KLHL29: variants seen among roughly 807,000 people sequenced by gnomAD.
KLHL29 encodes the protein kelch-like protein 29.
Under a neutral mutation model 80.4 loss-of-function variants are expected in KLHL29, and 21 were observed. The ratio of observed to expected loss-of-function variants is 0.26; its 90% CI spans 0.19 to 0.38. The LOEUF is 0.38. Among genes scored for constraint, KLHL29 ranks in the 10% least tolerant of loss-of-function variants. KLHL29 has a pLI of 1.00. For synonymous variants in KLHL29, 511 were observed against 526.8 expected (o/e 0.97, Z 0.41); for missense variants, 867 against 1,223.9 (o/e 0.71, Z 4.35).
intron 2 of KLHL29, among the ~76,000 whole-genome samples, chr2:23,558,060 G>A (rs895927458): frequency 4.6e-5 from 7 of 152,158 alleles, no homozygotes; most frequent in Non-Finnish European, 8.8e-5. Context: ...TTTGCAAAGG[G>A]CCAGGTCTGG....
chr2:23,701,860 G>A (rs1672405026), intron 11 of KLHL29, among the ~76,000 whole-genome samples: 1 of 139,764 alleles, frequency 7.2e-6, no homozygotes, highest in Non-Finnish European at 1.5e-5. Flanking sequence ...GAGTGCAATG[G>A]CGCGATCTTG....
intron 2 of KLHL29, among the ~76,000 whole-genome samples, chr2:23,533,432 A>C (rs1203884667): frequency 6.6e-6 from 1 of 152,178 alleles, no homozygotes; most frequent in Non-Finnish European, 1.5e-5. Flanking sequence ...CTCCTGGCCC[A>C]GCAGGATTCA....
chr2:23,485,650 T>TCAA lies in KLHL29; in HGVS notation c.-46+9985_-46+9986insACA, dbSNP rs541787171. Among the ~76,000 whole-genome samples, 460 of 152,288 alleles carry TCAA rather than the reference T, an allele frequency of 3.0e-3. 1 individual carries two copies. Among genetic ancestry groups the TCAA allele is most frequent in the Non-Finnish European group, 4.4e-3 (300 of 68,032 alleles). On this transcript the variant is annotated intron_variant, in intron 2 of 13. Transcript: ENST00000486442. ...GGTATGTTCCATATTCAGAGGGTCC[T>TCAA]CACGGCCTTTGTTCATTCATTCAGG...
At chr2:23,419,993 G>A (rs1321259594) in intron 1 of KLHL29, among the ~76,000 whole-genome samples, 1 of 152,170 alleles carries the variant, frequency 6.6e-6, no homozygotes, top group Non-Finnish European at 1.5e-5. Context: ...TTAGATAAGG[G>A]CGTCCAGTGC....
At chr2:23,549,962 G>T (rs1425641038) in intron 2 of KLHL29, among the ~76,000 whole-genome samples, 1 of 152,168 alleles carries the variant, frequency 6.6e-6, no homozygotes, top group Admixed American at 6.5e-5. Flanking sequence ...AATGGGAAAT[G>T]AATGGAACCC....
chr2:23,687,470 G>A (rs1671317502), intron 6 of KLHL29, among the ~76,000 whole-genome samples: 1 of 152,232 alleles, frequency 6.6e-6, no homozygotes, highest in Admixed American at 6.5e-5. Flanking sequence ...AGGACAGAAT[G>A]GGAATTCAAG....
intron 1 of KLHL29, among the ~76,000 whole-genome samples, chr2:23,472,702 G>A (rs1183234297): frequency 6.6e-6 from 1 of 152,130 alleles, no homozygotes; most frequent in Non-Finnish European, 1.5e-5. Flanking sequence ...TACTCTTCTC[G>A]AGTAGTATCT....
chr2:23,601,191 G>T (rs943631074), intron 3 of KLHL29, among the ~76,000 whole-genome samples: 1 of 152,160 alleles, frequency 6.6e-6, no homozygotes, highest in Non-Finnish European at 1.5e-5. Flanking sequence ...GCACAAAAAG[G>T]CGTCGTCAAA....
At chr2:23,489,987 C>G (rs1351203898) in intron 2 of KLHL29, among the ~76,000 whole-genome samples, 1 of 152,254 alleles carries the variant, frequency 6.6e-6, no homozygotes, top group African/African-American at 2.4e-5. Flanking sequence ...TCCCCTTGCT[C>G]TAGTGTTGGC....
intron 3 of KLHL29, among the ~76,000 whole-genome samples, chr2:23,624,868 G>T (rs964567030): frequency 6.6e-6 from 1 of 152,222 alleles, no homozygotes; most frequent in Non-Finnish European, 1.5e-5. Context: ...GGAAGTAGAA[G>T]ATTCCCACTG....
In KLHL29 at chr2:23,700,320, T is replaced by C. The variant is rs1392415736; in HGVS notation, c.2106-2866T>C. Among the ~76,000 whole-genome samples, 3 of 152,224 alleles carry C rather than the reference T, an allele frequency of 2.0e-5. No homozygotes were observed. The highest frequency in any genetic ancestry group is 4.4e-5 in the Non-Finnish European group (3 of 68,046). On this transcript the variant is annotated intron_variant, in intron 11 of 13. Coordinates refer to ENST00000486442, the MANE Select transcript of KLHL29 (RefSeq NM_052920.2). The surrounding 1 kb of genome is among the most constrained non-coding windows in gnomAD (Gnocchi z 4.6). ...ACAAAAATTTAACAATTTTTAATTA[T>C]TAAAAATTATATACACATATTAAAA...
intron 1 of KLHL29, among the ~76,000 whole-genome samples, chr2:23,386,281 G>A (rs950046477): frequency 9.9e-5 from 15 of 152,204 alleles, no homozygotes; most frequent in Admixed American, 4.6e-4. Context: ...CGAGAAGCCA[G>A]GTTGGGGTTT....
intron 3 of KLHL29, among the ~76,000 whole-genome samples, chr2:23,578,710 G>A (rs945118324): frequency 6.6e-6 from 1 of 152,246 alleles, no homozygotes; most frequent in African/African-American, 2.4e-5. Flanking sequence ...ATTGTGGGTA[G>A]AAGGTGTAGT....
chr2:23,481,653 C>T (rs570191386), intron 2 of KLHL29, among the ~76,000 whole-genome samples: 15 of 152,234 alleles, frequency 9.9e-5, no homozygotes, highest in Admixed American at 5.9e-4. Flanking sequence ...CGGTGGCTGA[C>T]GCCTGTAATC....
chr2:23,534,356 GC>G (rs1305695512), intron 2 of KLHL29, among the ~76,000 whole-genome samples: 2 of 151,992 alleles, frequency 1.3e-5, no homozygotes, highest in African/African-American at 4.8e-5. Context: ...TCCTTAACAG[GC>G]ATTTAATAAG....
intron 5 of KLHL29, among the ~76,000 whole-genome samples, chr2:23,678,699 G>T (rs1670989203): frequency 6.6e-6 from 1 of 152,224 alleles, no homozygotes; most frequent in Admixed American, 6.5e-5. Flanking sequence ...ACAGTATGTG[G>T]TATCTACATA....
chr2:23,550,579 GTC>G (rs1383367259), intron 2 of KLHL29, among the ~76,000 whole-genome samples: 1 of 152,236 alleles, frequency 6.6e-6, no homozygotes, highest in Non-Finnish European at 1.5e-5. Context: ...GAGTGGTCGA[GTC>G]TCTCCCGAGG....
At chr2:23,577,558 C>A (rs1667873795) in intron 3 of KLHL29, among the ~76,000 whole-genome samples, 1 of 152,068 alleles carries the variant, frequency 6.6e-6, no homozygotes, top group African/African-American at 2.4e-5. Context: ...ACCAGCCTGG[C>A]AAACATGGCG....
intron 11 of KLHL29, among the ~76,000 whole-genome samples, 171 bp from the exon 12 acceptor site, chr2:23,703,015 C>T (rs529946293): frequency 6.6e-5 from 10 of 152,320 alleles, no homozygotes; most frequent in Admixed American, 5.9e-4. Context: ...GGACGAGACC[C>T]CAGGAGGTCT....
Sources: allele counts gnomAD v4.1 joint callset (sites outside exome capture counted in the v4.1 genomes callset), GRCh38; gene constraint gnomAD v4.1.1; non-coding constraint Gnocchi (gnomAD v3.1); transcripts MANE v1.5; gene names NCBI Gene and HGNC (gene_info 2026-07-23, HGNC 2026-07-21).